Variants in FKBP11 observed in about 807,000 individuals in gnomAD.
The protein encoded by FKBP11 is FKBP prolyl isomerase 11.
Under a neutral mutation model 24.7 loss-of-function variants are expected in FKBP11, and 21 were observed. The observed-to-expected ratio is 0.85, with a 90% confidence interval of 0.60 to 1.23. FKBP11 has a LOEUF of 1.23. Ranked by LOEUF, FKBP11 falls within the 50% of genes most tolerant of loss-of-function variation. The pLI, the probability that FKBP11 is intolerant of heterozygous loss-of-function variation, is 0.00. For synonymous variants in FKBP11, 106 were observed against 100.6 expected (o/e 1.05, Z -0.32); for missense variants, 245 against 248.7 (o/e 0.99, Z 0.10).
chr12:48,938,873 G>A, the FKBP11 span: 21 of 1,551,184 alleles, frequency 1.4e-5, no homozygotes, highest in East Asian at 2.3e-5. Context: ...TGGAGAGGAA[G>A]GGGTAGGACT....
the FKBP11 span, among the ~76,000 whole-genome samples, chr12:48,935,474 T>G: frequency 2.0e-5 from 3 of 152,076 alleles, no homozygotes; most frequent in African/African-American, 7.2e-5. Flanking sequence ...CACCCAGACC[T>G]CACCCACCCT....
chr12:48,933,397 C>T, the FKBP11 span, among the ~76,000 whole-genome samples: 1 of 152,144 alleles, frequency 6.6e-6, no homozygotes, highest in Non-Finnish European at 1.5e-5. Flanking sequence ...TCACACTCTT[C>T]AGAACTGGAA....
intron 2 of FKBP11, 74 bp downstream of exon 2, chr12:48,924,972 C>A: frequency 6.5e-7 from 1 of 1,531,904 alleles, no homozygotes; most frequent in Non-Finnish European, 8.8e-7. Context: ...GCCACGTGTC[C>A]AAGCCAAAGC....
the FKBP11 span, among the ~76,000 whole-genome samples, chr12:48,934,238 A>C: frequency 6.6e-6 from 1 of 152,132 alleles, no homozygotes; most frequent in Non-Finnish European, 1.5e-5. Flanking sequence ...CACTGCCCCT[A>C]TACTCTGCAA....
chr12:48,922,077 G>A lies in FKBP11; in HGVS notation c.513C>T (p.Leu171=). 6.2e-7 allele frequency: 1 copy of A among 1,614,150 alleles called. No individual in the cohort carries two copies. Among genetic ancestry groups the A allele is most frequent in the Non-Finnish European group, 8.5e-7 (1 of 1,180,018 alleles). The change falls in exon 6 of 6, where the codon CTC becomes CTT. Residue 171 remains leucine (L), a synonymous_variant. Coordinates refer to ENST00000550765, the MANE Select transcript of FKBP11 (RefSeq NM_016594.3). ...CCTTTCTGTATAGGTGATACCCAAT[G>A]AGGCCCAGGAGGGCTGGCACCATGG... The part of the protein sequence containing the change: ...GMAMVPALLG[L]IGYHLYRKAN...
upstream of FKBP11, chr12:48,926,067 T>A (rs1775232604): frequency 6.6e-6 from 1 of 152,410 alleles, no homozygotes. Flanking sequence ...CCTATCCCTG[T>A]CCTTTGAAAA....
At position 48,922,086 on chromosome 12, in the gene FKBP11, G is replaced by A; in HGVS notation, c.504C>T (p.Leu168=). Residue 168 remains leucine, a synonymous_variant, in exon 6 of 6, where the codon CTC becomes CTT. Coordinates refer to ENST00000550765, the MANE Select transcript of FKBP11 (RefSeq NM_016594.3). ...PLVGMAMVPA[L]LGLIGYHLYR... ...ATAGGTGATACCCAATGAGGCCCAG[G>A]AGGGCTGGCACCATGGCCATCCCTA... The A allele has an allele frequency of 2.5e-6, 4 of 1,614,154 alleles. No homozygotes were observed. Among genetic ancestry groups the A allele is most frequent in the Non-Finnish European group, 3.4e-6 (4 of 1,180,022 alleles).
intron 5 of FKBP11, chr12:48,923,566 A>C (rs780304555): frequency 4.6e-5 from 71 of 1,551,530 alleles, no homozygotes; most frequent in Non-Finnish European, 6.1e-5. Flanking sequence ...TGGCTGCTGG[A>C]GGTCATGCCA....
intron 4 of FKBP11, 71 bp downstream of exon 4, chr12:48,924,152 G>C: frequency 6.4e-7 from 1 of 1,563,538 alleles, no homozygotes; most frequent in South Asian, 1.1e-5. Context: ...TGCTTAAGGA[G>C]TGAGGATGGC....
At chr12:48,934,377 C>T in the FKBP11 span, among the ~76,000 whole-genome samples, 1 of 152,306 alleles carries the variant, frequency 6.6e-6, no homozygotes, top group Admixed American at 6.5e-5. Context: ...CCAAGTCTTC[C>T]GCCAGTCCAT....
upstream of FKBP11, chr12:48,931,442 G>A: frequency 6.5e-6 from 10 of 1,536,084 alleles, no homozygotes; most frequent in Non-Finnish European, 8.7e-6. Flanking sequence ...ACCCTGGAGG[G>A]ACCAGAGAAG....
chr12:48,932,186 ATATAAACATATAATTGT>A, the FKBP11 span, among the ~76,000 whole-genome samples: 1 of 117,848 alleles, frequency 8.5e-6, no homozygotes, highest in Non-Finnish European at 1.8e-5. Context: ...TATATATATA[ATATAAACATATAATTGT>A]ATATATATCA....
the FKBP11 span, chr12:48,938,097 G>A: frequency 3.3e-6 from 1 of 305,848 alleles, no homozygotes; most frequent in East Asian, 8.0e-5. Context: ...ATAAGAGTGA[G>A]TGGGTTCCTC....
At chr12:48,937,426 AG>A in the FKBP11 span, 4 of 152,674 alleles carry the variant, frequency 2.6e-5, no homozygotes, top group Non-Finnish European at 5.9e-5. Context: ...CGAGGACCTC[AG>A]GAACAAGTGC....
At chr12:48,937,403 G>A in the FKBP11 span, 2 of 152,690 alleles carry the variant, frequency 1.3e-5, no homozygotes, top group Non-Finnish European at 2.9e-5. Flanking sequence ...AACTACAGAA[G>A]TCAGGACCCA....
At chr12:48,925,251 CCAA>C in intron 1 of FKBP11, 46 bp downstream of exon 1, 1 of 1,601,730 alleles carries the variant, frequency 6.2e-7, no homozygotes, top group East Asian at 2.2e-5. Flanking sequence ...GTATTACCAC[CCAA>C]CAAGGCTCGG....
chr12:48,932,974 T>C, the FKBP11 span, among the ~76,000 whole-genome samples: 3 of 152,304 alleles, frequency 2.0e-5, no homozygotes, highest in Non-Finnish European at 4.4e-5. Flanking sequence ...TTCTACACCA[T>C]GTTCAGCTCA....
upstream of FKBP11, chr12:48,926,251 T>C (rs1322972724): frequency 9.2e-6 from 1 of 108,692 alleles, no homozygotes; most frequent in South Asian, 2.9e-4. Flanking sequence ...TTTTTTGAGA[T>C]GGAGTCTCGC....
At chr12:48,934,597 T>C in the FKBP11 span, among the ~76,000 whole-genome samples, 5 of 152,170 alleles carry the variant, frequency 3.3e-5, no homozygotes, top group African/African-American at 1.2e-4. Context: ...GAATAGGTCA[T>C]CCTCTTCCCC....
Sources: allele counts gnomAD v4.1 joint callset (sites outside exome capture counted in the v4.1 genomes callset), GRCh38; gene constraint gnomAD v4.1.1; transcripts MANE v1.5; gene names NCBI Gene and HGNC (gene_info 2026-07-23, HGNC 2026-07-21).